The following CD244 variants were observed in gnomAD, a reference collection of about 807,000 sequenced individuals.
CD244 encodes the protein CD244 molecule.
A neutral mutation model predicts 45.5 loss-of-function variants in CD244; 20 were observed. The observed-to-expected ratio is 0.44, with a 90% CI of 0.31 to 0.64. The LOEUF (loss-of-function observed/expected upper bound fraction) is 0.64, where lower values mean the gene tolerates loss of function less well. Ranked by LOEUF, CD244 falls within the 30% of genes least tolerant of loss-of-function variation. The probability of loss-of-function intolerance (pLI) is 0.08; values close to 1 mark genes in which losing one functional copy is unlikely to be tolerated. For synonymous variants in CD244, 185 were observed against 160.5 expected (o/e 1.15, Z -1.15); for missense variants, 407 against 426.9 (o/e 0.95, Z 0.41).
intron 7 of CD244, among the ~76,000 whole-genome samples, chr1:160,832,873 T>C (rs1669179577): frequency 7.3e-6 from 1 of 136,502 alleles, no homozygotes; most frequent in East Asian, 2.1e-4. Context: ...TGTGTGTGTA[T>C]ATATATATAT....
chr1:160,839,491 A>AG (rs1003170241), intron 3 of CD244, among the ~76,000 whole-genome samples: 2 of 152,250 alleles, frequency 1.3e-5, no homozygotes, highest in Non-Finnish European at 2.9e-5. Context: ...CAGAATATTC[A>AG]GGGAAAAAAA....
intron 3 of CD244, among the ~76,000 whole-genome samples, chr1:160,840,852 G>A (rs2101871622): frequency 6.6e-6 from 1 of 152,300 alleles, no homozygotes; most frequent in South Asian, 2.1e-4. Flanking sequence ...TATGTGGCTT[G>A]GAGAAAGTTA....
rs546630315 is a variant in CD244 at position 160,841,750 on chromosome 1, A to G, written c.213T>C (p.Asn71=). ...NGFHHILKWE[N]GSLPSNTSND... is the part of the protein sequence containing the mutation. ...TGGAAGTATTGGAAGGCAAAGAGCC[A>G]TTCTCCCACTTCAATATGTGATGAA... The change falls in exon 2 of 9, where the codon AAT becomes AAC. Residue 71 remains asparagine, a synonymous_variant. Transcript: ENST00000368034. 24 of 1,614,204 alleles carry G rather than the reference A, an allele frequency of 1.5e-5. No individual in the cohort carries two copies. The East Asian group carries it at 4.7e-4, about 31-fold the overall frequency.
chr1:160,849,616 C>T (rs1226639772), intron 1 of CD244, among the ~76,000 whole-genome samples: 4 of 152,140 alleles, frequency 2.6e-5, no homozygotes, highest in Non-Finnish European at 5.9e-5. Context: ...CATGTCCCTG[C>T]AAACTCAGGA....
intron 1 of CD244, among the ~76,000 whole-genome samples, chr1:160,857,504 G>A (rs997667662): frequency 1.3e-5 from 2 of 152,338 alleles, no homozygotes; most frequent in Admixed American, 6.5e-5. Context: ...CTCATAAGAT[G>A]TTGAGCAAAA....
At chr1:160,838,021 A>G (rs1331313674) in intron 5 of CD244, among the ~76,000 whole-genome samples, 1 of 152,232 alleles carries the variant, frequency 6.6e-6, no homozygotes, top group African/African-American at 2.4e-5. Context: ...AATGCAGCCT[A>G]TTGAGCCAGC....
At chr1:160,840,131 CTTT>C (rs35151948) in intron 3 of CD244, among the ~76,000 whole-genome samples, 1 of 138,808 alleles carries the variant, frequency 7.2e-6, no homozygotes, top group Non-Finnish European at 1.6e-5. Flanking sequence ...CACAGAGCTT[CTTT>C]TTTTTTTTTT....
Position 160,832,860 on chromosome 1 carries a change from G to A in CD244, c.961-285C>T. The A allele has an allele frequency of 2.8e-4, 93 of 330,680 alleles. 3 individuals carry two copies. The highest frequency in any genetic ancestry group is 2.4e-3 in the South Asian group (90 of 37,618). The allele number at this position is 330,680 out of a possible 1,614,324, so 20.5% of individuals were successfully genotyped here. On this transcript the variant is annotated intron_variant, in intron 7 of 8. Transcript: ENST00000368034. ...ACACCTAAAACCCATACACATATGT[G>A]TGTGTGTGTGTATATATATATATAT...
intron 1 of CD244, chr1:160,848,086 A>C (rs552490422): frequency 5.2e-6 from 2 of 387,282 alleles, no homozygotes; most frequent in East Asian, 6.2e-5. Flanking sequence ...AGCTGTTTGC[A>C]CATAAAGTTC....
chr1:160,841,843 T>G lies in CD244; in HGVS notation c.120A>C (p.Gln40His). The change falls in exon 2 of 9, where the codon CAA (glutamine) becomes CAC (histidine). Residue 40 changes from glutamine to histidine, a missense_variant. Gln to His is a conservative substitution (Grantham distance 24). Transcript: ENST00000368034. ...CAACCTTCGTCTGTATGCTGTTTGG[T>G]TGTAACTGAAGAGGCACTCCCGAGA... is the stretch of plus-strand genomic sequence containing the variant. ...VSISGVPLQL[Q>H]PNSIQTKVDS... The G allele has an allele frequency of 1.9e-6, 3 of 1,614,126 alleles. No individual in the cohort carries two copies. The highest frequency in any genetic ancestry group is 2.5e-6 in the Non-Finnish European group (3 of 1,180,010).
intron 1 of CD244, among the ~76,000 whole-genome samples, chr1:160,852,550 A>G (rs1382144771): frequency 6.6e-6 from 1 of 152,214 alleles, no homozygotes; most frequent in African/African-American, 2.4e-5. Flanking sequence ...CTTGGTCTCG[A>G]AAATAAATGT....
intron 3 of CD244, among the ~76,000 whole-genome samples, chr1:160,840,378 C>T (rs983711273): frequency 6.6e-6 from 1 of 152,158 alleles, no homozygotes; most frequent in African/African-American, 2.4e-5. Flanking sequence ...TCTCCTGCCT[C>T]AGCCTCCTGA....
Position 160,831,415 on chromosome 1 carries a change from G to T in CD244, c.1030C>A (p.Gln344Lys), listed in dbSNP as rs1339983752. ...CGAGCAGGGTTCTGGGCTTTAGGTT[G>T]ACTCTTTCCAATCTGCAAAAGAAAA... is the stretch of plus-strand genomic sequence containing the variant. Reference protein sequence around the residue: ...STIYEVIGKSQPKAQNPARLS... With the variant: ...STIYEVIGKSKPKAQNPARLS... Residue 344 changes from glutamine to lysine, a missense_variant, in exon 9 of 9, where the codon CAA becomes AAA. Physicochemically the swap from Gln to Lys is moderately conservative, Grantham distance 53. Coordinates refer to ENST00000368034, the MANE Select transcript of CD244 (RefSeq NM_016382.4). The T allele has an allele frequency of 6.2e-7, 1 of 1,613,544 alleles. No individual in the cohort carries two copies. The highest frequency in any genetic ancestry group is 1.3e-5 in the African/African-American group (1 of 74,930).
chr1:160,831,509 C>A, intron 8 of CD244, 82 bp from the exon 9 acceptor site: 1 of 958,644 alleles, frequency 1.0e-6, no homozygotes, highest in South Asian at 1.4e-5. Context: ...TTGCCATCCC[C>A]ATTTTACAGA....
chr1:160,848,301 T>C (rs566943747), intron 1 of CD244: 10 of 593,056 alleles, frequency 1.7e-5, no homozygotes, highest in Non-Finnish European at 1.3e-5. Context: ...CTTGGCATCT[T>C]GTCCATGGCA....
Position 160,831,218 on chromosome 1 carries a change from A to T in CD244, c.*129T>A, listed in dbSNP as rs1669102144. On this transcript the variant is annotated 3_prime_UTR_variant, in exon 9 of 9. Transcript: ENST00000368034. ...ACATCATTTTCAAAACAAAATATAG[A>T]ACAAGAACAAATTTCCATATCCTCT... The T allele has an allele frequency of 1.3e-5, 9 of 693,122 alleles. No individual in the cohort carries two copies. The highest frequency in any genetic ancestry group is 2.6e-6 in the Non-Finnish European group (1 of 390,140). The allele number at this position is 693,122 out of a possible 1,614,324, so 42.9% of individuals were successfully genotyped here.
intron 1 of CD244, among the ~76,000 whole-genome samples, chr1:160,843,044 G>A (rs1669602451): frequency 6.6e-6 from 1 of 152,204 alleles, no homozygotes; most frequent in Non-Finnish European, 1.5e-5. Flanking sequence ...CTATTAAGAA[G>A]AGAGCAATTG....
chr1:160,841,917 CA>C lies in CD244; in HGVS notation c.62-17del. 1 of 1,610,970 alleles carries C rather than the reference CA, an allele frequency of 6.2e-7. No individual in the cohort carries two copies. Among genetic ancestry groups the C allele is most frequent in the South Asian group, 1.1e-5 (1 of 90,976 alleles). On this transcript the variant is annotated splice_polypyrimidine_tract_variant and intron_variant, in intron 1 of 8. Coordinates refer to ENST00000368034, the MANE Select transcript of CD244 (RefSeq NM_016382.4). The stretch of plus-strand genomic sequence containing the variant: ...CCCTGGCATCCTAGGAAAGAGAACC[CA>C]AGCTGAAAGTAGCGGGAAGAGTGTC...
rs375871180 is a variant in CD244, at chr1:160,838,440, G to A, written c.834+11C>T. ...CAGCTGAGAGAGACCCCAGCCTCCG[G>A]GATGACATACGTGATTTCTCCTGGT... On this transcript the variant is annotated intron_variant, in intron 5 of 8. Coordinates refer to ENST00000368034, the MANE Select transcript of CD244 (RefSeq NM_016382.4). The A allele has an allele frequency of 5.6e-6, 9 of 1,604,980 alleles. No homozygotes were observed. The highest frequency in any genetic ancestry group is 2.7e-5 in the African/African-American group (2 of 74,674).
Sources: gnomAD v4.1 joint callset for allele counts (sites outside exome capture counted in the v4.1 genomes callset) on GRCh38, gnomAD v4.1.1 for gene constraint, MANE v1.5 for transcripts, NCBI Gene and HGNC (gene_info 2026-07-23, HGNC 2026-07-21) for gene names.